Variants in SEMA7A observed in about 807,000 individuals in gnomAD.
SEMA7A encodes the protein semaphorin 7A (JohnMiltonHagen blood group).
Under a neutral mutation model 67.5 loss-of-function variants are expected in SEMA7A, and 21 were observed. The ratio of observed to expected loss-of-function variants is 0.31; its 90% confidence interval spans 0.22 to 0.45. The LOEUF is 0.45. Ranked by LOEUF, SEMA7A falls within the 20% of genes least tolerant of loss-of-function variation. SEMA7A has a pLI of 1.00. For synonymous variants in SEMA7A, 364 were observed against 368.5 expected (o/e 0.99, Z 0.14); for missense variants, 774 against 908.6 (o/e 0.85, Z 1.90).
rs1351789678 is a variant in SEMA7A, at chr15:74,410,759, G to A, written c.1866C>T (p.Arg622=). Residue 622 remains arginine (R), a synonymous_variant, in exon 14 of 14, where the codon CGC becomes CGT. Coordinates refer to ENST00000261918, the MANE Select transcript of SEMA7A (RefSeq NM_003612.5). The surrounding 1 kb of genome is among the most constrained non-coding windows in gnomAD (Gnocchi z 7.5). ...FCEAQEGSYF[R]EAQHWQLLPE... ...GCAGCAGCTGCCAGTGCTGAGCCTC[G>A]CGGAAGTAGGAGCCCTCCTGGGCCT... 2.0e-5 allele frequency: 33 copies of A among 1,613,994 alleles called. No individual in the cohort carries two copies. Among genetic ancestry groups the A allele is most frequent in the Middle Eastern group, 1.6e-4 (1 of 6,084 alleles).
rs139355749 is a variant in SEMA7A at position 74,422,499 on chromosome 15, G to A, written c.179-3547C>T. On this transcript the variant is annotated intron_variant, in intron 1 of 13. Transcript: ENST00000261918. ...TGTGATTCCGAGCCAATCCTCACTCGTGCTGGACCAAGAAAGCACATTCAG... is the reference window on the plus strand; with the variant it reads ...TGTGATTCCGAGCCAATCCTCACTCATGCTGGACCAAGAAAGCACATTCAG... Among the ~76,000 whole-genome samples, 730 of 152,212 alleles carry A rather than the reference G, an allele frequency of 4.8e-3. 3 individuals carry two copies. Among genetic ancestry groups the A allele is most frequent in the Non-Finnish European group, 6.8e-3 (465 of 68,006 alleles).
Position 74,411,555 on chromosome 15 carries a change from C to T in SEMA7A, c.1577+1G>A. 3.2e-6 allele frequency: 5 copies of T among 1,553,082 alleles called. No individual in the cohort carries two copies. Among genetic ancestry groups the T allele is most frequent in the Non-Finnish European group, 4.4e-6 (5 of 1,147,726 alleles). On this transcript the variant is annotated splice_donor_variant, in intron 12 of 13. Transcript: ENST00000261918. LOFTEE classifies it high-confidence loss of function. The surrounding 1 kb of genome is among the most constrained non-coding windows in gnomAD (Gnocchi z 4.4). The stretch of plus-strand genomic sequence containing the variant: ...GGGACGAGGGATCCCGGCCAACGTA[C>T]CGTTCGGAGCTGTAGATGGAGATGC...
chr15:74,413,635 T>G (rs955410005), intron 10 of SEMA7A, among the ~76,000 whole-genome samples: 5 of 152,120 alleles, frequency 3.3e-5, no homozygotes, highest in Non-Finnish European at 7.4e-5. Flanking sequence ...CCGGGATGAA[T>G]AGGGAGTAAA....
In SEMA7A at chr15:74,411,087, T is replaced by C; in HGVS notation, c.1640-102A>G. The C allele has an allele frequency of 6.7e-7, 1 of 1,501,962 alleles. No homozygotes were observed. Among genetic ancestry groups the C allele is most frequent in the Non-Finnish European group, 8.9e-7 (1 of 1,122,796 alleles). 93.0% of individuals were successfully genotyped at this position (1,501,962 alleles called of 1,614,324 possible). On this transcript the variant is annotated intron_variant, in intron 13 of 13. Coordinates refer to ENST00000261918, the MANE Select transcript of SEMA7A (RefSeq NM_003612.5). This position sits in a 1 kb window ranked among gnomAD's most constrained non-coding sequence, Gnocchi z 4.4. The stretch of plus-strand genomic sequence containing the variant: ...GGGATCCCAGGACAAGGCTTCTGAA[T>C]GAACGTGGGGAACCCAGCCCTCAGC...
At position 74,416,474 on chromosome 15, in the gene SEMA7A, T is replaced by A. The variant is rs150441958; in HGVS notation, c.801+101A>T. ...TCCCTGACACAGACCCACTCATACA[T>A]CCACACAACTTCTACATGCACACGG... On this transcript the variant is annotated intron_variant, in intron 7 of 13. Coordinates refer to ENST00000261918, the MANE Select transcript of SEMA7A (RefSeq NM_003612.5). 5 of 1,288,916 alleles carry A rather than the reference T, an allele frequency of 3.9e-6. No individual in the cohort carries two copies. The African/African-American group carries it at 5.9e-5, about 15-fold the overall frequency. The allele number at this position is 1,288,916 out of a possible 1,614,324, so 79.8% of individuals were successfully genotyped here. A position where few individuals can be genotyped will look rare whatever the true frequency, so the allele number is the denominator to read the frequency against.
chr15:74,432,338 A>C (rs1446294671), intron 1 of SEMA7A, among the ~76,000 whole-genome samples: 2 of 152,158 alleles, frequency 1.3e-5, no homozygotes, highest in Non-Finnish European at 2.9e-5. Flanking sequence ...CTCCATGTAC[A>C]GGCGGCCGGA....
At position 74,422,206 on chromosome 15, in the gene SEMA7A, G is replaced by A. The variant is rs529907087; in HGVS notation, c.179-3254C>T. Among the ~76,000 whole-genome samples the A allele has an allele frequency of 6.6e-5, 10 of 152,060 alleles. No individual in the cohort carries two copies. In the South Asian group the frequency reaches 1.5e-3, roughly 22 times the overall value. The stretch of plus-strand genomic sequence containing the variant: ...ACTCTCCCCTGCTGCCTGAACCTAC[G>A]AGCAGGGCCAGGAGTGGAAAATGCC... On this transcript the variant is annotated intron_variant, in intron 1 of 13. Coordinates refer to ENST00000261918, the MANE Select transcript of SEMA7A (RefSeq NM_003612.5).
In SEMA7A at chr15:74,433,896, C is replaced by T. The variant is rs948220349; in HGVS notation, c.23G>A (p.Arg8His). Residue 8 changes from arginine to histidine, a missense_variant, in exon 1 of 14, where the codon CGT becomes CAT. By Grantham distance (29) the Arg-to-His change is conservative (BLOSUM62 0). This residue lies in a region of SEMA7A where 347 missense variants were observed against 353.2 expected (regional missense o/e 0.98). Coordinates refer to ENST00000261918, the MANE Select transcript of SEMA7A (RefSeq NM_003612.5). MTPPPPG[R>H]AAPSAPRARV... ...GGCGCGCGGTGCGCTGGGGGCGGCA[C>T]GTCCGGGCGGAGGAGGCGTCATCCC... 4.8e-6 allele frequency: 6 copies of T among 1,261,510 alleles called. No homozygotes were observed. Among genetic ancestry groups the T allele is most frequent in the Admixed American group, 4.2e-5 (1 of 23,614 alleles). 78.1% of individuals were successfully genotyped at this position (1,261,510 alleles called of 1,614,324 possible).
chr15:74,411,775 G>A lies in SEMA7A; in HGVS notation c.1423-65C>T. On this transcript the variant is annotated intron_variant, in intron 11 of 13. Coordinates refer to ENST00000261918, the MANE Select transcript of SEMA7A (RefSeq NM_003612.5). The surrounding 1 kb of genome is among the most constrained non-coding windows in gnomAD (Gnocchi z 4.4). ...CCCACACTCAGTCCTAAATGTCCAGGCCCTAAGGCCTAGAAGCTCTTAAAA... is the reference window on the plus strand; with the variant it reads ...CCCACACTCAGTCCTAAATGTCCAGACCCTAAGGCCTAGAAGCTCTTAAAA... 6.2e-7 allele frequency: 1 copy of A among 1,603,800 alleles called. No individual in the cohort carries two copies. Among genetic ancestry groups the A allele is most frequent in the East Asian group, 2.2e-5 (1 of 44,800 alleles).
intron 5 of SEMA7A, 56 bp downstream of exon 5, chr15:74,417,535 C>T: frequency 6.3e-7 from 1 of 1,589,106 alleles, no homozygotes; most frequent in Non-Finnish European, 8.6e-7. Flanking sequence ...GACCACTCCT[C>T]TCCCAGCCCA....
intron 8 of SEMA7A, among the ~76,000 whole-genome samples, chr15:74,415,557 A>T (rs1444363361): frequency 6.6e-6 from 1 of 152,070 alleles, no homozygotes; most frequent in Non-Finnish European, 1.5e-5. Flanking sequence ...CACAGGCACA[A>T]GTGCAGTCAT....
At chr15:74,421,048 G>A (rs112884193) in intron 1 of SEMA7A, among the ~76,000 whole-genome samples, 2 of 152,360 alleles carry the variant, frequency 1.3e-5, no homozygotes, top group Non-Finnish European at 2.9e-5. Context: ...ACTACTCAAG[G>A]GAAAAGAGGC....
rs531152251 is a variant in SEMA7A, at chr15:74,414,148, G to A, written c.1294+399C>T. Among the ~76,000 whole-genome samples the A allele has an allele frequency of 4.0e-3, 610 of 152,178 alleles. 1 individual carries two copies. Among genetic ancestry groups the A allele is most frequent in the Non-Finnish European group, 7.1e-3 (482 of 68,006 alleles). ...CACCTGCACAATCCCAAAGACAGGC[G>A]CAGGGCCTGACTCCCTCATTCTGCC... On this transcript the variant is annotated intron_variant, in intron 10 of 13. Coordinates refer to ENST00000261918, the MANE Select transcript of SEMA7A (RefSeq NM_003612.5). The surrounding 1 kb of genome is among the most constrained non-coding windows in gnomAD (Gnocchi z 4.1).
rs142674027 is a variant in SEMA7A at position 74,418,096 on chromosome 15, G to A, written c.373-127C>T. On this transcript the variant is annotated intron_variant, in intron 3 of 13. Coordinates refer to ENST00000261918, the MANE Select transcript of SEMA7A (RefSeq NM_003612.5). ...GGCTTAGCATAGGTGACAGCCTCCC[G>A]GGACAGCCCAGAGTGTGTGCAGCTG... is the stretch of plus-strand genomic sequence containing the variant. 291 of 1,209,488 alleles carry A rather than the reference G, an allele frequency of 2.4e-4. 1 individual carries two copies. The East Asian group carries it at 3.1e-3, about 13-fold the overall frequency. 74.9% of individuals were successfully genotyped at this position (1,209,488 alleles called of 1,614,324 possible).
intron 2 of SEMA7A, 119 bp downstream of exon 2, chr15:74,418,682 C>A: frequency 9.1e-7 from 1 of 1,100,842 alleles, no homozygotes; most frequent in Non-Finnish European, 1.3e-6. Flanking sequence ...TTATAGGATA[C>A]GGAGGTGGGG....
chr15:74,425,830 G>A (rs1051499572), intron 1 of SEMA7A, among the ~76,000 whole-genome samples: 44 of 152,264 alleles, frequency 2.9e-4, no homozygotes, highest in African/African-American at 1.1e-3. Flanking sequence ...GCTTCCCTGT[G>A]GGATGGCTAC....
chr15:74,413,216 C>G (rs1003150782), intron 10 of SEMA7A, among the ~76,000 whole-genome samples: 4 of 152,388 alleles, frequency 2.6e-5, no homozygotes, highest in East Asian at 3.9e-4. Flanking sequence ...TGCCCTATAC[C>G]TCCTTCCAAA....
At position 74,417,405 on chromosome 15, in the gene SEMA7A, A is replaced by G; in HGVS notation, c.591T>C (p.Asn197=). Residue 197 remains asparagine, a synonymous_variant, in exon 6 of 14, where the codon AAT becomes AAC. Transcript: ENST00000261918. Reference sequence around the variant, plus strand: ...TGCGGCGGAACCGAGGGATCTTCCCATTGTATTCCTGCTTCCGGATGGTGG... The same window carrying G: ...TGCGGCGGAACCGAGGGATCTTCCCGTTGTATTCCTGCTTCCGGATGGTGG... ...VYSTIRKQEY[N]GKIPRFRRIR... 2 of 1,613,990 alleles carry G rather than the reference A, an allele frequency of 1.2e-6. No individual in the cohort carries two copies. The highest frequency in any genetic ancestry group is 1.7e-6 in the Non-Finnish European group (2 of 1,179,998).
At chr15:74,419,032 T>C in intron 1 of SEMA7A, 80 bp from the exon 2 acceptor site, 1 of 1,492,768 alleles carries the variant, frequency 6.7e-7, no homozygotes, top group Non-Finnish European at 9.1e-7. Flanking sequence ...CATGGCACAC[T>C]GGAACCAGTG....
Sources: allele counts gnomAD v4.1 joint callset (sites outside exome capture counted in the v4.1 genomes callset), GRCh38; gene constraint gnomAD v4.1.1; regional missense constraint gnomAD v4.1.1; non-coding constraint Gnocchi (gnomAD v3.1); transcripts MANE v1.5; gene names NCBI Gene and HGNC (gene_info 2026-07-23, HGNC 2026-07-21).